Variants in C1orf141 observed in about 807,000 individuals in gnomAD.
C1orf141 encodes uncharacterized protein C1orf141.
A neutral mutation model predicts 23.2 loss-of-function variants in C1orf141; 19 were observed. The ratio of observed to expected loss-of-function variants is 0.82; its 90% CI spans 0.57 to 1.20. The LOEUF is 1.20. C1orf141 is among the 50% of genes most tolerant of loss of function. The pLI is 0.00. For missense variants in C1orf141, 469 were observed against 455.1 expected (o/e 1.03, Z -0.28); for synonymous variants, 153 against 154.6 (o/e 0.99, Z 0.08).
chr1:67,138,197 A>G (rs759053355), upstream of C1orf141, among the ~76,000 whole-genome samples: 3 of 152,214 alleles, frequency 2.0e-5, no homozygotes, highest in Non-Finnish European at 4.4e-5. Flanking sequence ...TCCAGATTAA[A>G]GCTATCTTTA....
intron 1 of C1orf141, among the ~76,000 whole-genome samples, chr1:67,131,605 T>G (rs533932824): frequency 6.6e-6 from 1 of 152,044 alleles, no homozygotes; most frequent in East Asian, 1.9e-4. Flanking sequence ...ACCTTTCTAG[T>G]TTATTCCTCC....
chr1:67,105,483 G>C (rs1298219689), intron 5 of C1orf141, among the ~76,000 whole-genome samples: 1 of 152,032 alleles, frequency 6.6e-6, no homozygotes, highest in East Asian at 1.9e-4. Flanking sequence ...TTTTTAGGGA[G>C]TGCCCAATAA....
At chr1:67,107,077 CTA>C (rs1645944859) in intron 5 of C1orf141, among the ~76,000 whole-genome samples, 1 of 152,110 alleles carries the variant, frequency 6.6e-6, no homozygotes, top group African/African-American at 2.4e-5. Flanking sequence ...CATACAGAAA[CTA>C]TAGTGCAAAG....
At chr1:67,113,397 C>T (rs910904496) in intron 5 of C1orf141, among the ~76,000 whole-genome samples, 4 of 151,302 alleles carry the variant, frequency 2.6e-5, no homozygotes, top group African/African-American at 9.7e-5. Context: ...TGGAGTTTCA[C>T]TCTTGTTGCC....
At chr1:67,136,287 T>A (rs1316637070), upstream of C1orf141, among the ~76,000 whole-genome samples, 1 of 152,158 alleles carries the variant, frequency 6.6e-6, no homozygotes, top group African/African-American at 2.4e-5. Context: ...GTGATCCTCT[T>A]GCCTTGTTCT....
chr1:67,103,837 CTA>C (rs1204658134), intron 5 of C1orf141, among the ~76,000 whole-genome samples: 1 of 151,976 alleles, frequency 6.6e-6, no homozygotes, highest in African/African-American at 2.4e-5. Context: ...CTGGCTTTTC[CTA>C]AGCTAGAGTA....
At chr1:67,127,015 T>A in intron 3 of C1orf141, 151 bp downstream of exon 3, 1 of 456,334 alleles carries the variant, frequency 2.2e-6, no homozygotes, top group Non-Finnish European at 3.8e-6. Context: ...TATATTTGTA[T>A]ACATTACATT....
chr1:67,130,199 T>A (rs1570736834), intron 2 of C1orf141, among the ~76,000 whole-genome samples: 1 of 152,324 alleles, frequency 6.6e-6, no homozygotes, highest in East Asian at 1.9e-4. Flanking sequence ...AGCTTTTGTG[T>A]TTCCCTTAAA....
Position 67,108,549 on chromosome 1 carries a change from T to C in C1orf141, c.346+6803A>G, listed in dbSNP as rs534402572. Among the ~76,000 whole-genome samples, 3 of 152,196 alleles carry C rather than the reference T, an allele frequency of 2.0e-5. No individual in the cohort carries two copies. In the East Asian group the frequency reaches 5.8e-4, roughly 29 times the overall value. On this transcript the variant is annotated intron_variant, in intron 5 of 7. Transcript: ENST00000684719. ...GAGTTCAAGACCAGCCTGGCCAACA[T>C]GGACCCCATCTCTACTAAAAATACA... is the stretch of plus-strand genomic sequence containing the variant.
intron 5 of C1orf141, chr1:67,103,332 T>G: frequency 6.7e-7 from 1 of 1,487,100 alleles, no homozygotes; most frequent in Non-Finnish European, 9.1e-7. Flanking sequence ...ATCTTCTACA[T>G]GCTTGTCTAT....
At chr1:67,106,678 G>A (rs6588239) in intron 5 of C1orf141, among the ~76,000 whole-genome samples, 135,692 of 152,124 alleles carry the variant, frequency 0.89, 60,753 homozygotes, top group East Asian at 0.97. Flanking sequence ...ACAGAAACCA[G>A]CCAAACAAAC....
At chr1:67,093,792 A>G in intron 7 of C1orf141, 188 bp from the exon 8 acceptor site, 1 of 384,142 alleles carries the variant, frequency 2.6e-6, no homozygotes, top group Non-Finnish European at 4.5e-6. Context: ...CATCCTTCTT[A>G]TCTTAATATT....
At chr1:67,095,456 G>A (rs1253272154) in intron 6 of C1orf141, 35 bp from the exon 7 acceptor site, 1 of 1,249,732 alleles carries the variant, frequency 8.0e-7, no homozygotes. Flanking sequence ...AGTGTTCATG[G>A]GGCTGATTAC....
chr1:67,132,799 G>A (rs1646539044), intron 1 of C1orf141, among the ~76,000 whole-genome samples: 1 of 152,200 alleles, frequency 6.6e-6, no homozygotes, highest in South Asian at 2.1e-4. Flanking sequence ...ATAAAATGGG[G>A]TTATTGCCAA....
chr1:67,135,932 A>C (rs1196262620), upstream of C1orf141, among the ~76,000 whole-genome samples: 1 of 147,432 alleles, frequency 6.8e-6, no homozygotes, highest in Non-Finnish European at 1.5e-5. Flanking sequence ...AAAAAAGTAT[A>C]GTTATGTAGC....
At chr1:67,105,574 A>G (rs528659184) in intron 5 of C1orf141, among the ~76,000 whole-genome samples, 20 of 152,054 alleles carry the variant, frequency 1.3e-4, no homozygotes, top group African/African-American at 4.6e-4. Flanking sequence ...TATCAGACCT[A>G]CCCTCCCACA....
chr1:67,092,411 T>C lies in C1orf141; in HGVS notation c.*594A>G, dbSNP rs1269805989. 6.6e-6 allele frequency: 1 copy of C among 152,240 alleles called. No individual in the cohort carries two copies. The highest frequency in any genetic ancestry group is 1.5e-5 in the Non-Finnish European group (1 of 68,038). 9.4% of individuals were successfully genotyped at this position (152,240 alleles called of 1,614,324 possible). On this transcript the variant is annotated 3_prime_UTR_variant, in exon 8 of 8. Coordinates refer to ENST00000684719, the MANE Select transcript of C1orf141 (RefSeq NM_001276351.2). The stretch of plus-strand genomic sequence containing the variant: ...TTATTTAGATTAAGGATAGTTATTC[T>C]TTTATTTAACAATTTAGAAAAAAGT...
At chr1:67,106,444 C>T (rs1246029811) in intron 5 of C1orf141, among the ~76,000 whole-genome samples, 9 of 151,894 alleles carry the variant, frequency 5.9e-5, no homozygotes, top group African/African-American at 1.2e-4. Context: ...GCCAGGAGTT[C>T]GAGACCAGCC....
rs116913395 is a variant in C1orf141 at position 67,093,500 on chromosome 1, G to A, written c.708C>T (p.Asn236=). The A allele has an allele frequency of 2.9e-4, 472 of 1,608,098 alleles. 2 individuals are homozygous for A. Among genetic ancestry groups the A allele is most frequent in the East Asian group, 8.3e-4 (37 of 44,746 alleles). The change falls in exon 8 of 8, where the codon AAC becomes AAT. Residue 236 remains asparagine, a synonymous_variant. Coordinates refer to ENST00000684719, the MANE Select transcript of C1orf141 (RefSeq NM_001276351.2). ...AATTTGTTCTTTTATGTGGGTAAAT[G>A]TTTTCATTTTCCAAAGGATGAGAAG... ...RFSSHPLENE[N]IYPHKRTNFI...
Sources: allele counts gnomAD v4.1 joint callset (sites outside exome capture counted in the v4.1 genomes callset), GRCh38; gene constraint gnomAD v4.1.1; transcripts MANE v1.5; gene names NCBI Gene and HGNC (gene_info 2026-07-23, HGNC 2026-07-21).